GSE1: variants seen among roughly 807,000 people sequenced by gnomAD.
GSE1 encodes Gse1 coiled-coil protein, also known as genetic suppressor element 1.
A neutral mutation model predicts 112.6 loss-of-function variants in GSE1; 32 were observed. The ratio of observed to expected loss-of-function variants is 0.28; its 90% CI spans 0.21 to 0.38. GSE1 has a LOEUF of 0.38. Among genes scored for constraint, GSE1 ranks in the 10% least tolerant of loss-of-function variants. GSE1 has a pLI of 1.00. For missense variants in GSE1, 2,348 were observed against 1,699.2 expected, an observed-to-expected ratio of 1.38 and a Z score of -6.71; for synonymous variants, 1,115 against 735.6, an observed-to-expected ratio of 1.52 and a Z score of -8.35.
chr16:85,490,761 G>T (rs908364773), intron 2 of GSE1: 1 of 152,212 alleles, frequency 6.6e-6, no homozygotes, highest in Non-Finnish European at 1.5e-5. Flanking sequence ...GCAGTAGCGT[G>T]GGGCCTGCCG....
At chr16:85,651,066 TCCGCCC>T (rs2051305874) in intron 3 of GSE1, among the ~76,000 whole-genome samples, 8 of 21,142 alleles carry the variant, frequency 3.8e-4, no homozygotes, top group African/African-American at 1.5e-3. Context: ...CCCCTCCCCC[TCCGCCC>T]CTCCTCCCCC....
At chr16:85,341,771 A>G (rs62048476) in intron 1 of GSE1, among the ~76,000 whole-genome samples, 30,913 of 151,582 alleles carry the variant, frequency 0.2, 3,321 homozygotes, top group East Asian at 0.41. Context: ...AAACACTGGG[A>G]TTACAGGTGT....
At chr16:85,290,331 T>G (rs1230809043) in intron 1 of GSE1, among the ~76,000 whole-genome samples, 1 of 152,164 alleles carries the variant, frequency 6.6e-6, no homozygotes, top group Non-Finnish European at 1.5e-5. Context: ...GCCCCCAACC[T>G]GGAGTGCGGC....
intron 2 of GSE1, among the ~76,000 whole-genome samples, chr16:85,484,260 G>C (rs922717015): frequency 3.6e-4 from 55 of 152,332 alleles, no homozygotes; most frequent in African/African-American, 1.1e-3. Context: ...CTCCTCCGCG[G>C]GTCCCCTGGG....
chr16:85,230,673 C>T (rs1904276564), intron 1 of GSE1, among the ~76,000 whole-genome samples: 2 of 152,196 alleles, frequency 1.3e-5, no homozygotes, highest in South Asian at 4.1e-4. Flanking sequence ...TTAGCAAATA[C>T]CCAAGGGCAG....
At chr16:85,258,716 C>T (rs905807867) in intron 1 of GSE1, among the ~76,000 whole-genome samples, 2 of 152,174 alleles carry the variant, frequency 1.3e-5, no homozygotes, top group African/African-American at 4.8e-5. Context: ...GGTCAGTGAC[C>T]GCCCAGCGGG....
At chr16:85,171,653 A>G in exon 1 of GSE1, 2 of 985,430 alleles carry the variant, frequency 2.0e-6, no homozygotes, top group Non-Finnish European at 2.4e-6. Context: ...CTGTTCCTAT[A>G]CACCCTGCGA....
chr16:85,656,004 G>C (rs371398621), intron 6 of GSE1, 87 bp downstream of exon 6: 2 of 1,065,660 alleles, frequency 1.9e-6, no homozygotes, highest in Non-Finnish European at 1.4e-6. Flanking sequence ...GAACCTGACT[G>C]GACTCCTTGG....
chr16:85,624,179 C>A (rs577020775), intron 1 of GSE1, among the ~76,000 whole-genome samples: 1 of 152,338 alleles, frequency 6.6e-6, no homozygotes, highest in African/African-American at 2.4e-5. Context: ...TCAGTGCCCG[C>A]CCTGGGGTGG....
chr16:85,627,064 T>TTTTTTTTTTTTTTTTTTTTTTC, intron 1 of GSE1, among the ~76,000 whole-genome samples: 1 of 114,026 alleles, frequency 8.8e-6, no homozygotes, highest in Non-Finnish European at 1.8e-5. Context: ...TTTTTTTTTT[T>TTTTTTTTTTTTTTTTTTTTTTC]TTTTTTTTTT....
At chr16:85,667,523 G>C (rs2052969205) in intron 13 of GSE1, among the ~76,000 whole-genome samples, 1 of 152,226 alleles carries the variant, frequency 6.6e-6, no homozygotes, top group Non-Finnish European at 1.5e-5. Context: ...GTGAGAGGAT[G>C]GGCTGGTGTC....
At position 85,419,538 on chromosome 16, in the gene GSE1, C is replaced by T. The variant is rs544677974; in HGVS notation, c.2464+61895C>T. Among the ~76,000 whole-genome samples, 561 of 151,236 alleles carry T rather than the reference C, an allele frequency of 3.7e-3. 3 individuals are homozygous for T. Among genetic ancestry groups the T allele is most frequent in the African/African-American group, 0.011 (471 of 41,142 alleles). Reference sequence around the variant, plus strand: ...GGAGGATCGCCTGACCCTGGGAAATCGAGGCTGCAGTGAGCCATGACTGCA... The same window carrying T: ...GGAGGATCGCCTGACCCTGGGAAATTGAGGCTGCAGTGAGCCATGACTGCA... On this transcript the variant is annotated intron_variant, in intron 2 of 2. Coordinates refer to the GSE1 transcript ENST00000637419. The surrounding 1 kb of genome is among the most constrained non-coding windows in gnomAD (Gnocchi z 6.5).
chr16:85,650,583 G>A (rs763041979), intron 3 of GSE1, among the ~76,000 whole-genome samples: 3 of 152,180 alleles, frequency 2.0e-5, no homozygotes, highest in Admixed American at 6.5e-5. Context: ...TTACCGCCTC[G>A]GGAACATTGA....
intron 1 of GSE1, among the ~76,000 whole-genome samples, chr16:85,601,754 G>C (rs1400054662): frequency 6.6e-6 from 1 of 152,154 alleles, no homozygotes; most frequent in Non-Finnish European, 1.5e-5. Context: ...CCTTGCAGCC[G>C]ACGTGAGCTA....
intron 2 of GSE1, among the ~76,000 whole-genome samples, chr16:85,550,762 G>C (rs925524644): frequency 7.9e-5 from 12 of 152,178 alleles, no homozygotes; most frequent in Non-Finnish European, 1.5e-4. Context: ...TCCGTGCTGT[G>C]GCAAAGACAG....
intron 2 of GSE1, among the ~76,000 whole-genome samples, chr16:85,436,703 C>A (rs528468877): frequency 6.6e-6 from 1 of 152,220 alleles, no homozygotes; most frequent in Non-Finnish European, 1.5e-5. Flanking sequence ...CCGAAGGGCC[C>A]GTGGGCGCCT....
chr16:85,235,841 C>T (rs920286391), intron 1 of GSE1, among the ~76,000 whole-genome samples: 6 of 151,978 alleles, frequency 3.9e-5, no homozygotes, highest in Non-Finnish European at 7.4e-5. Flanking sequence ...CTTACGGGCG[C>T]CGGGGCAGCT....
intron 2 of GSE1, among the ~76,000 whole-genome samples, chr16:85,513,242 C>T (rs189286464): frequency 4.6e-5 from 7 of 151,774 alleles, no homozygotes; most frequent in South Asian, 4.2e-4. Flanking sequence ...GACTCCAGCC[C>T]GCCTGGGTTT....
At position 85,353,093 on chromosome 16, in the gene GSE1, G is replaced by A. The variant is rs574976158; in HGVS notation, c.2284-4370G>A. Reference sequence around the variant, plus strand: ...ACAGTTCAACTGGGCCCTCTGCTCTGGGCCTCACTAGGCTGCAGATCAAGG... The same window carrying A: ...ACAGTTCAACTGGGCCCTCTGCTCTAGGCCTCACTAGGCTGCAGATCAAGG... On this transcript the variant is annotated intron_variant, in intron 1 of 2. Coordinates refer to the GSE1 transcript ENST00000637419. 1.1e-3 allele frequency among the ~76,000 whole-genome samples: 175 copies of A among 152,334 alleles called. 1 individual carries two copies. In the South Asian group the frequency reaches 0.02, roughly 17 times the overall value.
Sources: gnomAD v4.1 joint callset for allele counts (sites outside exome capture counted in the v4.1 genomes callset) on GRCh38, gnomAD v4.1.1 for gene constraint, Gnocchi (gnomAD v3.1) non-coding constraint, MANE v1.5 for transcripts, NCBI Gene and HGNC (gene_info 2026-07-23, HGNC 2026-07-21) for gene names.